HOOK2: variants seen among roughly 807,000 people sequenced by gnomAD.
HOOK2 encodes hook microtubule tethering protein 2, also known as protein Hook homolog 2.
HOOK2 carries 108 observed loss-of-function variants against 111.9 expected under a neutral mutation model. That is an observed-to-expected ratio of 0.96 (90% CI 0.83 to 1.13). The LOEUF is 1.13. Ranked by LOEUF, HOOK2 falls within the 50% of genes most tolerant of loss-of-function variation. The pLI is 0.00. For synonymous variants in HOOK2, 405 were observed against 394.3 expected (o/e 1.03, Z -0.32); for missense variants, 978 against 951.3 (o/e 1.03, Z -0.37).
rs1460250961 is a variant in HOOK2 at position 12,769,887 on chromosome 19, C to G, written c.1098G>C (p.Arg366=). 4.8e-6 allele frequency: 7 copies of G among 1,462,218 alleles called. No individual in the cohort carries two copies. In the African/African-American group the frequency reaches 5.9e-5, roughly 12 times the overall value. The allele number at this position is 1,462,218 out of a possible 1,614,324, so 90.6% of individuals were successfully genotyped here. A position where few individuals can be genotyped will look rare whatever the true frequency, so the allele number is the denominator to read the frequency against. ...GSLRAQLEAQ[R]RQVQELQGQR... ...AACCCCGCCCCCGCCGCACCTGCCG[C>G]CGCTGCGCCTCCAGCTGGGCGCGCA... The change falls in exon 11 of 23, where the codon CGG becomes CGC. Residue 366 remains arginine, a synonymous_variant. Coordinates refer to ENST00000397668, the MANE Select transcript of HOOK2 (RefSeq NM_013312.3).
In HOOK2 at chr19:12,765,849, G is replaced by A. The variant is rs1968129406; in HGVS notation, c.1600-15C>T. Reference sequence around the variant, plus strand: ...CTTACAATGGCCTGTATGGGGCATCGGGCAGCATGGGAGAGAGAGGAGGGT... The same window carrying A: ...CTTACAATGGCCTGTATGGGGCATCAGGCAGCATGGGAGAGAGAGGAGGGT... On this transcript the variant is annotated splice_polypyrimidine_tract_variant and intron_variant, in intron 16 of 22. Transcript: ENST00000397668. The A allele has an allele frequency of 1.2e-6, 2 of 1,610,230 alleles. No homozygotes were observed. The highest frequency in any genetic ancestry group is 1.7e-6 in the Non-Finnish European group (2 of 1,176,982).
At chr19:12,765,145 G>T in intron 18 of HOOK2, 64 bp from the exon 19 acceptor site, 5 of 1,534,472 alleles carry the variant, frequency 3.3e-6, no homozygotes, top group Non-Finnish European at 9.0e-7. Context: ...TGTCCCAGTG[G>T]TAGCCACAGA....
At position 12,775,473 on chromosome 19, in the gene HOOK2, G is replaced by A. The variant is rs1205617467; in HGVS notation, c.-24C>T. The A allele has an allele frequency of 1.9e-6, 3 of 1,603,120 alleles. No homozygotes were observed. The highest frequency in any genetic ancestry group is 1.7e-5 in the Admixed American group (1 of 59,226). ...ATGGCTCCCGATCGGATTCAATCCA[G>A]GCCACGGAGCCCCGGCGCCGCAGCA... On this transcript the variant is annotated 5_prime_UTR_variant, in exon 1 of 23. Transcript: ENST00000397668.
intron 3 of HOOK2, among the ~76,000 whole-genome samples, chr19:12,787,889 T>C (rs777893162): frequency 1.5e-4 from 22 of 151,658 alleles, no homozygotes; most frequent in Non-Finnish European, 2.4e-4. Flanking sequence ...ACCCCGTCTG[T>C]ACTAAAAATA....
At chr19:12,775,963 GC>G (rs1446492807), upstream of HOOK2, among the ~76,000 whole-genome samples, 1 of 133,790 alleles carries the variant, frequency 7.5e-6, no homozygotes, top group East Asian at 2.4e-4. Context: ...TGCAGGCTCC[GC>G]CCCCTGGGGT....
chr19:12,783,072 C>T (rs1968622896), upstream of HOOK2, among the ~76,000 whole-genome samples: 1 of 152,084 alleles, frequency 6.6e-6, no homozygotes, highest in Non-Finnish European at 1.5e-5. Flanking sequence ...CAGGCCAGCC[C>T]GGGGGTCCCC....
chr19:12,765,515 A>G, intron 18 of HOOK2, 175 bp downstream of exon 18: 1 of 853,772 alleles, frequency 1.2e-6, no homozygotes, highest in Non-Finnish European at 1.9e-6. Context: ...TGGGAGGCCA[A>G]AGCGGGTGGA....
chr19:12,791,787 G>C lies in HOOK2; in HGVS notation n.42-17562C>G. ...GGCCGCCCGGATGTGCACTAAAATG[G>C]AACAGCCCTTCTACCACGACGACTC... On this transcript the variant is annotated intron_variant and non_coding_transcript_variant, in intron 3 of 3. Transcript: ENST00000589765. The surrounding 1 kb of genome is among the most constrained non-coding windows in gnomAD (Gnocchi z 7.0). The C allele has an allele frequency of 6.2e-7, 1 of 1,610,882 alleles. No homozygotes were observed. Among genetic ancestry groups the C allele is most frequent in the South Asian group, 1.1e-5 (1 of 90,946 alleles).
intron 22 of HOOK2, 43 bp downstream of exon 22, chr19:12,763,485 A>G: frequency 6.2e-7 from 1 of 1,613,924 alleles, no homozygotes; most frequent in African/African-American, 1.3e-5. Context: ...CCCCCCACCA[A>G]TATTCTACCC....
upstream of HOOK2, among the ~76,000 whole-genome samples, chr19:12,780,091 AGT>A (rs1433470782): frequency 6.6e-6 from 1 of 152,174 alleles, no homozygotes; most frequent in Non-Finnish European, 1.5e-5. Context: ...CAGAGATTGC[AGT>A]GAGCCGAGAA....
chr19:12,781,854 C>G (rs905426341), upstream of HOOK2, among the ~76,000 whole-genome samples: 3 of 143,368 alleles, frequency 2.1e-5, no homozygotes, highest in African/African-American at 7.7e-5. Flanking sequence ...TTTTTTTTTT[C>G]TTTTGAGACG....
In HOOK2 at chr19:12,791,762, G is replaced by C. The variant is rs777534724; in HGVS notation, n.42-17537C>G. On this transcript the variant is annotated intron_variant and non_coding_transcript_variant, in intron 3 of 3. Coordinates refer to the HOOK2 transcript ENST00000589765. The surrounding 1 kb of genome is among the most constrained non-coding windows in gnomAD (Gnocchi z 7.0). ...GCAGGGACCCTCCCCAGACCGCCTG[G>C]GCCGCCCGGATGTGCACTAAAATGG... The C allele has an allele frequency of 1.9e-6, 3 of 1,591,732 alleles. No homozygotes were observed. Among genetic ancestry groups the C allele is most frequent in the Non-Finnish European group, 2.6e-6 (3 of 1,165,992 alleles).
Position 12,775,513 on chromosome 19 carries a change from C to T in HOOK2, c.-64G>A. 1 of 1,551,814 alleles carries T rather than the reference C, an allele frequency of 6.4e-7. No homozygotes were observed. Among genetic ancestry groups the T allele is most frequent in the South Asian group, 1.2e-5 (1 of 84,904 alleles). On this transcript the variant is annotated 5_prime_UTR_variant, in exon 1 of 23. Transcript: ENST00000397668. ...GCGCCGCAGCAGCCTCCGGGTCCGCCACCAGCGAGCGCCCGCAGCCCCGAC... is the reference window on the plus strand; with the variant it reads ...GCGCCGCAGCAGCCTCCGGGTCCGCTACCAGCGAGCGCCCGCAGCCCCGAC...
At chr19:12,784,106 G>A (rs1333360689) in intron 3 of HOOK2, among the ~76,000 whole-genome samples, 2 of 152,140 alleles carry the variant, frequency 1.3e-5, no homozygotes, top group African/African-American at 4.8e-5. Flanking sequence ...ACTGTGTCTC[G>A]GGAACATCCT....
Position 12,763,883 on chromosome 19 carries a change from A to T in HOOK2, c.1828-105T>A. On this transcript the variant is annotated intron_variant, in intron 20 of 22. Transcript: ENST00000397668. ...ATTCTTTCATTCATTATAGAGACAG[A>T]GTCCCCCTATGTTGCCCAGGATGGT... is the stretch of plus-strand genomic sequence containing the variant. 5 of 776,556 alleles carry T rather than the reference A, an allele frequency of 6.4e-6. No individual in the cohort carries two copies. In the South Asian group the frequency reaches 8.8e-5, roughly 14 times the overall value. 48.1% of individuals were successfully genotyped at this position (776,556 alleles called of 1,614,324 possible).
At chr19:12,787,226 C>G (rs1453112782) in intron 3 of HOOK2, 2 of 152,310 alleles carry the variant, frequency 1.3e-5, no homozygotes, top group Admixed American at 6.6e-5. Context: ...CCTCCTGCCT[C>G]AGCCTTCGGA....
rs184345332 is a variant in HOOK2, at chr19:12,769,308, G to A, written c.1104+573C>T. ...GTAGAGACAGGGTTTTGCTATGTTG[G>A]CCAGGATGGTCTCAAACTCCTGGCC... On this transcript the variant is annotated intron_variant, in intron 11 of 22. Transcript: ENST00000397668. Among the ~76,000 whole-genome samples, 31 of 151,706 alleles carry A rather than the reference G, an allele frequency of 2.0e-4. No individual in the cohort carries two copies. The East Asian group carries it at 4.1e-3, about 20-fold the overall frequency.
chr19:12,772,130 T>C, intron 7 of HOOK2, 60 bp downstream of exon 7: 1 of 1,291,068 alleles, frequency 7.7e-7, no homozygotes, highest in South Asian at 1.2e-5. Flanking sequence ...TATCCCCAAC[T>C]CCCGGCCTTT....
In HOOK2 at chr19:12,763,451, T is replaced by C. The variant is rs371846464; in HGVS notation, c.2011-20A>G. The C allele has an allele frequency of 2.2e-5, 36 of 1,613,266 alleles. No individual in the cohort carries two copies. The highest frequency in any genetic ancestry group is 2.9e-5 in the Non-Finnish European group (34 of 1,179,584). On this transcript the variant is annotated intron_variant, in intron 22 of 22. Transcript: ENST00000397668. Reference sequence around the variant, plus strand: ...CATGCCCTTCAGGAGGAGGTGTGGTTGGGGTCAGGTGAGCTCACAGGACCC... The same window carrying C: ...CATGCCCTTCAGGAGGAGGTGTGGTCGGGGTCAGGTGAGCTCACAGGACCC...
Sources: allele counts gnomAD v4.1 joint callset (sites outside exome capture counted in the v4.1 genomes callset), GRCh38; gene constraint gnomAD v4.1.1; non-coding constraint Gnocchi (gnomAD v3.1); transcripts MANE v1.5; gene names NCBI Gene and HGNC (gene_info 2026-07-23, HGNC 2026-07-21).